HIRA: variants seen among roughly 807,000 people sequenced by gnomAD.
The protein encoded by HIRA is histone cell cycle regulator.
In HIRA, 13 loss-of-function variants were observed where a neutral mutation model predicts 126.6. The observed-to-expected ratio is 0.10, with a 90% confidence interval of 0.07 to 0.16. The LOEUF (loss-of-function observed/expected upper bound fraction) is 0.16, where lower values mean the gene tolerates loss of function less well. Among genes scored for constraint, HIRA ranks in the 10% least tolerant of loss-of-function variants. The probability of loss-of-function intolerance (pLI) is 1.00; values close to 1 mark genes in which losing one functional copy is unlikely to be tolerated. For synonymous variants in HIRA, 511 were observed against 520.0 expected (o/e 0.98, Z 0.24); for missense variants, 834 against 1,314.4 (o/e 0.63, Z 5.65).
intron 1 of HIRA, among the ~76,000 whole-genome samples, chr22:19,427,986 G>A (rs1424992590): frequency 2.6e-5 from 4 of 152,168 alleles, no homozygotes; most frequent in Non-Finnish European, 5.9e-5. Flanking sequence ...AAATGTGTAT[G>A]TATGAACAAT....
chr22:19,371,779 C>T (rs901799182), intron 15 of HIRA, among the ~76,000 whole-genome samples: 5 of 152,154 alleles, frequency 3.3e-5, no homozygotes, highest in African/African-American at 9.7e-5. Flanking sequence ...TAAGGTTTAT[C>T]GTTATTGTAG....
chr22:19,358,301 G>T (rs1307735138), intron 18 of HIRA, among the ~76,000 whole-genome samples: 7 of 152,150 alleles, frequency 4.6e-5, no homozygotes, highest in African/African-American at 1.7e-4. Context: ...ATCATTTTTG[G>T]GCTGTAACAC....
At chr22:19,349,172 C>T (rs2146184324) in intron 24 of HIRA, among the ~76,000 whole-genome samples, 1 of 151,098 alleles carries the variant, frequency 6.6e-6, no homozygotes, top group South Asian at 2.1e-4. Context: ...GTGGTGTGAT[C>T]TTGGCTCACT....
At chr22:19,391,407 G>C (rs1363838010) in intron 9 of HIRA, among the ~76,000 whole-genome samples, 4 of 152,114 alleles carry the variant, frequency 2.6e-5, no homozygotes, top group Admixed American at 1.3e-4. Context: ...GATGACACTG[G>C]TGTGTAAACA....
Position 19,410,717 on chromosome 22 carries a change from T to C in HIRA, c.99A>G (p.Gln33=), listed in dbSNP as rs757672824. ...PDGTKFATGG[Q]GQDSGKVVIW... The stretch of plus-strand genomic sequence containing the variant: ...CCTTTCTTTATTCCATAAACATACC[T>C]TGTCCTCCAGTTGCGAACTTGGTCC... The change falls in exon 2 of 25, where the codon CAA becomes CAG. Residue 33 remains glutamine, a splice_region_variant and synonymous_variant. Coordinates refer to ENST00000263208, the MANE Select transcript of HIRA (RefSeq NM_003325.4). The C allele has an allele frequency of 6.2e-7, 1 of 1,612,770 alleles. No homozygotes were observed. The highest frequency in any genetic ancestry group is 8.5e-7 in the Non-Finnish European group (1 of 1,178,814).
chr22:19,339,392 T>C (rs1457232239), intron 24 of HIRA, among the ~76,000 whole-genome samples: 2 of 152,078 alleles, frequency 1.3e-5, no homozygotes, highest in Non-Finnish European at 2.9e-5. Context: ...CCCAGCAATT[T>C]TGGAGGCCAA....
intron 13 of HIRA, among the ~76,000 whole-genome samples, chr22:19,379,203 G>A (rs2089047397): frequency 1.3e-5 from 2 of 151,220 alleles, no homozygotes; most frequent in Non-Finnish European, 1.5e-5. Flanking sequence ...TAGTAGAGAC[G>A]GGGTTTAACC....
At chr22:19,388,578 G>A (rs768999231) in intron 9 of HIRA, 24 bp from the exon 10 acceptor site, 2 of 1,594,206 alleles carry the variant, frequency 1.3e-6, no homozygotes, top group Non-Finnish European at 1.7e-6. Flanking sequence ...CACAGTCAAG[G>A]TTAATGAAAT....
intron 11 of HIRA, 121 bp from the exon 12 acceptor site, chr22:19,385,857 C>A: frequency 2.3e-6 from 2 of 862,308 alleles, no homozygotes; most frequent in Non-Finnish European, 3.6e-6. Context: ...GACCCAAGGC[C>A]AACTCCCCAT....
intron 23 of HIRA, 147 bp downstream of exon 23, chr22:19,353,209 G>T: frequency 1.1e-6 from 1 of 928,792 alleles, no homozygotes; most frequent in Non-Finnish European, 1.6e-6. Flanking sequence ...CTGGGTGCCT[G>T]CTGAGCTGCC....
In HIRA at chr22:19,383,625, G is replaced by A. The variant is rs755363587; in HGVS notation, c.1410C>T (p.Asp470=). The A allele has an allele frequency of 6.2e-7, 1 of 1,612,202 alleles. No individual in the cohort carries two copies. The highest frequency in any genetic ancestry group is 2.2e-5 in the East Asian group (1 of 44,878). Residue 470 remains aspartate (D), a synonymous_variant, in exon 13 of 25, where the codon GAC becomes GAT. Coordinates refer to ENST00000263208, the MANE Select transcript of HIRA (RefSeq NM_003325.4). ...AAAGGGGAATGAACCAGTACCCAGT[G>A]TCCAGCTGTGCTATGCAGAGAGGCG... ...RITPLCIAQL[D]TGDFSTAFFN...
chr22:19,363,884 T>C lies in HIRA; in HGVS notation c.1776-1953A>G, dbSNP rs117122802. 7.8e-3 allele frequency among the ~76,000 whole-genome samples: 1,185 copies of C among 152,106 alleles called. 31 individuals are homozygous for C. Among genetic ancestry groups the C allele is most frequent in the East Asian group, 0.072 (374 of 5,174 alleles). On this transcript the variant is annotated intron_variant, in intron 15 of 24. Transcript: ENST00000263208. ...TGCCACCGCACTCCAGCCTGGGCAA[T>C]AGAGCGAGACTCTGTCTCGAAAAAA...
intron 18 of HIRA, 21 bp from the exon 19 acceptor site, chr22:19,357,072 C>T: frequency 6.2e-7 from 1 of 1,612,994 alleles, no homozygotes; most frequent in Non-Finnish European, 8.5e-7. Flanking sequence ...AGAGTGGGGG[C>T]AGGTGTCATG....
intron 15 of HIRA, chr22:19,365,828 G>C (rs1285043921): frequency 6.6e-6 from 1 of 152,084 alleles, no homozygotes; most frequent in African/African-American, 2.4e-5. Context: ...GAAGTTCTGA[G>C]TTATAGTGCG....
chr22:19,362,506 T>A (rs553654690), intron 15 of HIRA, among the ~76,000 whole-genome samples: 35 of 152,272 alleles, frequency 2.3e-4, no homozygotes, highest in Non-Finnish European at 2.9e-4. Flanking sequence ...CTAAAAAAAA[T>A]TTTTTAAAGC....
intron 21 of HIRA, among the ~76,000 whole-genome samples, chr22:19,354,405 T>C (rs1414186678): frequency 1.3e-5 from 2 of 152,254 alleles, no homozygotes; most frequent in Admixed American, 6.5e-5. Context: ...TGGTTCCTGA[T>C]GACTGCAGGC....
chr22:19,416,353 T>C (rs1461393474), intron 1 of HIRA, among the ~76,000 whole-genome samples: 2 of 152,120 alleles, frequency 1.3e-5, no homozygotes, highest in Non-Finnish European at 2.9e-5. Flanking sequence ...AGACAGCACC[T>C]CATTCTGTCG....
At chr22:19,431,388 G>C (rs1186586888) in intron 1 of HIRA, 52 bp downstream of exon 1, 11 of 1,592,198 alleles carry the variant, frequency 6.9e-6, no homozygotes, top group South Asian at 6.6e-5. Context: ...CTCGACTCCA[G>C]ACCCCGACCC....
chr22:19,361,913 A>G lies in HIRA; in HGVS notation c.1794T>C (p.Leu598=), dbSNP rs369009612. 171 of 1,614,034 alleles carry G rather than the reference A, an allele frequency of 1.1e-4. No homozygotes were observed. Among genetic ancestry groups the G allele is most frequent in the Middle Eastern group, 6.6e-4 (4 of 6,080 alleles). The stretch of plus-strand genomic sequence containing the variant: ...GGTCTCGGGGCCTCAGCTCTTTCAC[A>G]AGGTTCTGCTCTTTTAACCTGCACA... ...TAVERLKEQN[L]VKELRPRDLL... Residue 598 remains leucine, a synonymous_variant, in exon 16 of 25, where the codon CTT becomes CTC. Coordinates refer to ENST00000263208, the MANE Select transcript of HIRA (RefSeq NM_003325.4).
Sources: gnomAD v4.1 joint callset for allele counts (sites outside exome capture counted in the v4.1 genomes callset) on GRCh38, gnomAD v4.1.1 for gene constraint, MANE v1.5 for transcripts, NCBI Gene and HGNC (gene_info 2026-07-23, HGNC 2026-07-21) for gene names.